Variants in STRBP observed in about 807,000 individuals in gnomAD.
The protein encoded by STRBP is spermatid perinuclear RNA binding protein, also known as spermatid perinuclear RNA-binding protein.
A neutral mutation model predicts 80.1 loss-of-function variants in STRBP; 13 were observed. The ratio of observed to expected loss-of-function variants is 0.16; its 90% CI spans 0.11 to 0.26. The LOEUF (loss-of-function observed/expected upper bound fraction) is 0.26. Among genes scored for constraint, STRBP ranks in the 10% least tolerant of loss-of-function variants. The probability of loss-of-function intolerance (pLI) is 1.00; values close to 1 mark genes in which losing one functional copy is unlikely to be tolerated. For missense variants in STRBP, 485 were observed against 815.2 expected, an observed-to-expected ratio of 0.59 and a Z score of 4.93; for synonymous variants, 284 against 291.2, an observed-to-expected ratio of 0.98 and a Z score of 0.25.
chr9:123,266,998 G>A (rs1445409490), intron 1 of STRBP, among the ~76,000 whole-genome samples: 2 of 149,332 alleles, frequency 1.3e-5, no homozygotes, highest in Non-Finnish European at 3.0e-5. Context: ...TACTGATTTC[G>A]TTCTCACCCT....
rs568494632 is a variant in STRBP at position 123,202,954 on chromosome 9, C to T, written c.-164-18656G>A. Among the ~76,000 whole-genome samples the T allele has an allele frequency of 5.9e-5, 9 of 152,320 alleles. No homozygotes were observed. The South Asian group carries it at 1.9e-3, about 32-fold the overall frequency. ...TGGTCAGAGCAACCACCATCTCTCACTTGGATTATACATTGCCTTCCAACT... is the reference window on the plus strand; with the variant it reads ...TGGTCAGAGCAACCACCATCTCTCATTTGGATTATACATTGCCTTCCAACT... On this transcript the variant is annotated intron_variant, in intron 2 of 18. Coordinates refer to ENST00000348403, the MANE Select transcript of STRBP (RefSeq NM_018387.5).
intron 2 of STRBP, among the ~76,000 whole-genome samples, chr9:123,200,068 G>A (rs543584201): frequency 6.6e-6 from 1 of 152,110 alleles, no homozygotes; most frequent in Non-Finnish European, 1.5e-5. Flanking sequence ...ACAGTTTGTT[G>A]ACAGTTTTTA....
At chr9:123,248,002 G>C (rs930281976) in intron 1 of STRBP, among the ~76,000 whole-genome samples, 2 of 151,986 alleles carry the variant, frequency 1.3e-5, no homozygotes, top group Non-Finnish European at 2.9e-5. Flanking sequence ...TTCAGTAAAG[G>C]AACAACTAAG....
chr9:123,233,039 G>A (rs1413811566), intron 2 of STRBP, among the ~76,000 whole-genome samples: 1 of 152,114 alleles, frequency 6.6e-6, no homozygotes, highest in Non-Finnish European at 1.5e-5. Flanking sequence ...GTCATCCATG[G>A]CACACTAACA....
chr9:123,165,261 C>A (rs190199259), intron 6 of STRBP, among the ~76,000 whole-genome samples: 8 of 128,744 alleles, frequency 6.2e-5, no homozygotes, highest in African/African-American at 2.4e-4. Flanking sequence ...AGCCTGGAGA[C>A]AGAGCGAGAC....
intron 2 of STRBP, among the ~76,000 whole-genome samples, chr9:123,230,544 C>T (rs1440012157): frequency 5.3e-5 from 8 of 152,146 alleles, no homozygotes; most frequent in Non-Finnish European, 7.3e-5. Context: ...AGTAAGCAAC[C>T]GTCCTTTCCG....
chr9:123,226,891 G>A (rs112986762), intron 2 of STRBP, among the ~76,000 whole-genome samples: 6 of 152,238 alleles, frequency 3.9e-5, no homozygotes, highest in African/African-American at 1.4e-4. Flanking sequence ...CATGGTTCTA[G>A]AGTCTTGGAA....
intron 11 of STRBP, among the ~76,000 whole-genome samples, chr9:123,151,843 A>T (rs1588491793): frequency 6.6e-6 from 1 of 152,176 alleles, no homozygotes; most frequent in Non-Finnish European, 1.5e-5. Context: ...AGAAACCAAT[A>T]AAACAGAATA....
At chr9:123,205,952 A>G in intron 2 of STRBP, among the ~76,000 whole-genome samples, 1 of 152,336 alleles carries the variant, frequency 6.6e-6, no homozygotes, top group East Asian at 1.9e-4. Context: ...CACTGGAAAA[A>G]GTAATTTGGA....
intron 5 of STRBP, 128 bp downstream of exon 5, chr9:123,173,549 A>G (rs907442720): frequency 3.3e-6 from 3 of 900,260 alleles, no homozygotes; most frequent in Non-Finnish European, 4.9e-6. Flanking sequence ...GACCCAGAGT[A>G]GCAGTACTCA....
intron 2 of STRBP, among the ~76,000 whole-genome samples, chr9:123,192,890 T>C (rs990083575): frequency 1.3e-5 from 2 of 152,176 alleles, no homozygotes; most frequent in African/African-American, 4.8e-5. Context: ...AAATATTCAG[T>C]GGCATCCAAG....
At position 123,188,448 on chromosome 9, in the gene STRBP, T is replaced by C. The variant is rs959002320; in HGVS notation, c.-164-4150A>G. Among the ~76,000 whole-genome samples, 6 of 152,258 alleles carry C rather than the reference T, an allele frequency of 3.9e-5. No homozygotes were observed. In the South Asian group the frequency reaches 1.2e-3, roughly 32 times the overall value. ...CAAGGTCAGAAGATCGAGACCATCC[T>C]GGCTAACACGGTGAAACCTTGTCTC... On this transcript the variant is annotated intron_variant, in intron 2 of 18. Transcript: ENST00000348403.
chr9:123,133,236 A>G (rs1326962281), intron 16 of STRBP, among the ~76,000 whole-genome samples: 1 of 152,244 alleles, frequency 6.6e-6, no homozygotes, highest in Non-Finnish European at 1.5e-5. Context: ...TCAGTAATCA[A>G]TTTATATCCA....
chr9:123,134,553 T>G (rs562107377), intron 16 of STRBP, among the ~76,000 whole-genome samples: 1 of 152,082 alleles, frequency 6.6e-6, no homozygotes, highest in Admixed American at 6.5e-5. Flanking sequence ...ATTGAACACA[T>G]GAGTTTTATA....
chr9:123,117,429 A>G (rs995788611), downstream of STRBP, among the ~76,000 whole-genome samples: 2 of 152,196 alleles, frequency 1.3e-5, no homozygotes, highest in Non-Finnish European at 2.9e-5. Flanking sequence ...ACAGCAGCAG[A>G]AGAATCCAAC....
At chr9:123,134,405 A>G (rs1292885245) in intron 16 of STRBP, among the ~76,000 whole-genome samples, 1 of 151,704 alleles carries the variant, frequency 6.6e-6, no homozygotes, top group Admixed American at 6.6e-5. Flanking sequence ...ATGGGCAGGA[A>G]CCTCTACCTC....
chr9:123,226,070 C>T (rs1459738422), intron 2 of STRBP, among the ~76,000 whole-genome samples: 2 of 152,140 alleles, frequency 1.3e-5, no homozygotes, highest in African/African-American at 2.4e-5. Context: ...TAAATCCATA[C>T]ACTGGAATAC....
In STRBP at chr9:123,136,956, A is replaced by G. The variant is rs1330683625; in HGVS notation, c.1498-441T>C. Among the ~76,000 whole-genome samples, 1 of 152,196 alleles carries G rather than the reference A, an allele frequency of 6.6e-6. No homozygotes were observed. The highest frequency in any genetic ancestry group is 1.5e-5 in the Non-Finnish European group (1 of 68,040). On this transcript the variant is annotated intron_variant, in intron 14 of 18. Transcript: ENST00000348403. The surrounding 1 kb of genome is among the most constrained non-coding windows in gnomAD (Gnocchi z 4.2). ...TGTTAGAGGGTAAATGTTCCCATAC[A>G]CCTCTCAGTCACTCTAAACAGATTT...
At chr9:123,155,036 A>G (rs868476583) in intron 11 of STRBP, among the ~76,000 whole-genome samples, 8 of 152,330 alleles carry the variant, frequency 5.3e-5, no homozygotes, top group Middle Eastern at 3.4e-3. Flanking sequence ...GTCCATTGGT[A>G]GGCAAGAGGG....
Sources: allele counts gnomAD v4.1 joint callset (sites outside exome capture counted in the v4.1 genomes callset), GRCh38; gene constraint gnomAD v4.1.1; non-coding constraint Gnocchi (gnomAD v3.1); transcripts MANE v1.5; gene names NCBI Gene and HGNC (gene_info 2026-07-23, HGNC 2026-07-21).